Variants in MYO9A observed in about 807,000 individuals in gnomAD.
MYO9A encodes the protein myosin IXA.
A neutral mutation model predicts 293.3 loss-of-function variants in MYO9A; 103 were observed. That is an observed-to-expected ratio of 0.35 (90% confidence interval 0.30 to 0.41). The LOEUF (loss-of-function observed/expected upper bound fraction) is 0.41, where lower values mean the gene tolerates loss of function less well. Among genes scored for constraint, MYO9A ranks in the 10% least tolerant of loss-of-function variants. The pLI, the probability that MYO9A is intolerant of heterozygous loss-of-function variation, is 1.00. For synonymous variants in MYO9A, 1,001 were observed against 1,035.7 expected (o/e 0.97, Z 0.64); for missense variants, 2,685 against 3,033.0 (o/e 0.89, Z 2.69).
At position 71,862,541 on chromosome 15, in the gene MYO9A, G is replaced by T. The variant is rs1476667254; in HGVS notation, c.6050C>A (p.Ser2017Tyr). The T allele has an allele frequency of 1.2e-6, 2 of 1,612,904 alleles. No homozygotes were observed. Among genetic ancestry groups the T allele is most frequent in the Non-Finnish European group, 8.5e-7 (1 of 1,179,074 alleles). The change falls in exon 33 of 42, where the codon TCT becomes TAT. Residue 2017 changes from serine to tyrosine, a missense_variant. Ser to Tyr is a moderately radical substitution (Grantham distance 144, BLOSUM62 -2). Coordinates refer to ENST00000356056, the MANE Select transcript of MYO9A (RefSeq NM_006901.4). ...TCGGTCCATTATCCATATCAAAGAA[G>T]AACAGTATTCACAGTATGTAGGGAT... ...YSIPTYCEYC[S>Y]SLIWIMDRAS...
At chr15:72,108,572 C>T (rs1702133704) in intron 1 of MYO9A, among the ~76,000 whole-genome samples, 1 of 152,040 alleles carries the variant, frequency 6.6e-6, no homozygotes, top group Non-Finnish European at 1.5e-5. Context: ...AATGCAAAAA[C>T]TAAAAGTGAG....
chr15:71,979,104 A>C (rs2076212979), intron 11 of MYO9A, among the ~76,000 whole-genome samples: 1 of 152,146 alleles, frequency 6.6e-6, no homozygotes, highest in Admixed American at 6.5e-5. Context: ...ATCTGCAAAT[A>C]GTGATTTTGA....
intron 1 of MYO9A, among the ~76,000 whole-genome samples, chr15:72,109,403 AAT>A (rs2080696033): frequency 6.6e-6 from 1 of 151,316 alleles, no homozygotes; most frequent in African/African-American, 2.4e-5. Flanking sequence ...AAAAAAAAAA[AAT>A]ACACACACAC....
chr15:72,070,844 T>TA (rs1210653298), intron 1 of MYO9A, among the ~76,000 whole-genome samples: 1 of 152,134 alleles, frequency 6.6e-6, no homozygotes, highest in African/African-American at 2.4e-5. Context: ...AAATACTGGC[T>TA]ACCCATATGC....
intron 39 of MYO9A, among the ~76,000 whole-genome samples, chr15:71,836,627 T>C (rs1567181791): frequency 6.6e-6 from 1 of 152,042 alleles, no homozygotes; most frequent in African/African-American, 2.4e-5. Context: ...TGATAAACTA[T>C]ACAGTTATGA....
rs778043625 is a variant in MYO9A at position 71,901,235 on chromosome 15, T to G, written c.3106A>C (p.Arg1036=). The G allele has an allele frequency of 7.0e-5, 113 of 1,613,700 alleles. 2 individuals are homozygous for G. The East Asian group carries it at 2.5e-3, about 35-fold the overall frequency. ...TGTCTCAGATGGAGGAAATGCTGCC[T>G]ACACAGCAAGACCCTGAACCATCGC... ...LQRWFRVLLC[R]QHFLHLRQAS... The change falls in exon 23 of 42, where the codon AGG becomes CGG. Residue 1036 remains arginine, a synonymous_variant. Coordinates refer to ENST00000356056, the MANE Select transcript of MYO9A (RefSeq NM_006901.4).
At chr15:71,858,020 T>C (rs1453065486) in intron 34 of MYO9A, among the ~76,000 whole-genome samples, 3 of 152,302 alleles carry the variant, frequency 2.0e-5, no homozygotes, top group African/African-American at 4.8e-5. Flanking sequence ...TCATCATCAC[T>C]GGCCATCAGA....
chr15:72,027,804 A>C lies in MYO9A; in HGVS notation c.936-11T>G. On this transcript the variant is annotated splice_polypyrimidine_tract_variant and intron_variant, in intron 3 of 41. Transcript: ENST00000356056. Reference sequence around the variant, plus strand: ...TTTTCAACATAGGCACTACAAGAAAAATTAAATTGGTTGATATAAATAATA... The same window carrying C: ...TTTTCAACATAGGCACTACAAGAAACATTAAATTGGTTGATATAAATAATA... 6.3e-7 allele frequency: 1 copy of C among 1,584,254 alleles called. No individual in the cohort carries two copies. Among genetic ancestry groups the C allele is most frequent in the Non-Finnish European group, 8.6e-7 (1 of 1,161,002 alleles).
intron 12 of MYO9A, among the ~76,000 whole-genome samples, chr15:71,968,765 A>G (rs944406925): frequency 2.0e-5 from 3 of 152,228 alleles, no homozygotes; most frequent in South Asian, 2.1e-4. Flanking sequence ...TTCACACAGG[A>G]CATAGTAGGT....
intron 40 of MYO9A, among the ~76,000 whole-genome samples, chr15:71,829,384 C>G (rs981461992): frequency 3.3e-5 from 5 of 152,170 alleles, no homozygotes; most frequent in Middle Eastern, 3.4e-3. Context: ...TTAAGACTTC[C>G]TAAGAGTCAT....
intron 14 of MYO9A, among the ~76,000 whole-genome samples, chr15:71,956,303 C>T (rs1423028120): frequency 5.6e-5 from 4 of 71,888 alleles, no homozygotes; most frequent in African/African-American, 1.7e-4. Flanking sequence ...CAGCGAAACC[C>T]GGCTCTTAAA....
At chr15:71,989,441 C>G (rs949387908) in intron 11 of MYO9A, among the ~76,000 whole-genome samples, 1 of 152,084 alleles carries the variant, frequency 6.6e-6, no homozygotes, top group African/African-American at 2.4e-5. Flanking sequence ...TCCACAGATG[C>G]GCAAGTCTCT....
chr15:71,951,904 A>G lies in MYO9A; in HGVS notation c.2183-8T>C. 1.3e-6 allele frequency: 2 copies of G among 1,570,056 alleles called. No individual in the cohort carries two copies. The highest frequency in any genetic ancestry group is 8.6e-7 in the Non-Finnish European group (1 of 1,167,238). On this transcript the variant is annotated splice_polypyrimidine_tract_variant and splice_region_variant and intron_variant, in intron 14 of 41. Coordinates refer to ENST00000356056, the MANE Select transcript of MYO9A (RefSeq NM_006901.4). The stretch of plus-strand genomic sequence containing the variant: ...GCGCTGTATCATCATGTCCTTAGGA[A>G]GCAAAAAAAAACAAACAAAAAAAAA...
intron 26 of MYO9A, among the ~76,000 whole-genome samples, chr15:71,888,929 G>T (rs998403095): frequency 2.0e-5 from 3 of 152,114 alleles, no homozygotes; most frequent in Non-Finnish European, 2.9e-5. Flanking sequence ...AAAAAACCCA[G>T]ACAAAATAAT....
intron 2 of MYO9A, among the ~76,000 whole-genome samples, chr15:72,040,989 A>G (rs550433381): frequency 6.6e-6 from 1 of 152,328 alleles, no homozygotes; most frequent in East Asian, 1.9e-4. Context: ...AAAAGCTTGT[A>G]ATTCTAGCAC....
chr15:71,956,765 T>A (rs902028115), intron 14 of MYO9A, among the ~76,000 whole-genome samples: 1 of 150,480 alleles, frequency 6.6e-6, no homozygotes, highest in Non-Finnish European at 1.5e-5. Context: ...CATATATTCA[T>A]ATATGTAGCA....
chr15:71,955,277 G>A lies in MYO9A; in HGVS notation c.2183-3381C>T, dbSNP rs187517981. Among the ~76,000 whole-genome samples, 90 of 152,144 alleles carry A rather than the reference G, an allele frequency of 5.9e-4. 2 individuals carry two copies. The highest frequency in any genetic ancestry group is 2.9e-3 in the South Asian group (14 of 4,816). On this transcript the variant is annotated intron_variant, in intron 14 of 41. Transcript: ENST00000356056. ...CAAGTAGCTGGGATTACAGGCATGC[G>A]CCACCAAGCCCGGCTAAATTTTTGT...
intron 35 of MYO9A, among the ~76,000 whole-genome samples, chr15:71,853,222 T>C (rs895803906): frequency 1.2e-4 from 18 of 152,208 alleles, no homozygotes; most frequent in African/African-American, 2.7e-4. Flanking sequence ...AGACCACACT[T>C]TGAGTAACAA....
chr15:71,822,966 C>T lies in MYO9A; in HGVS notation c.*3614G>A, dbSNP rs535863179. 6.6e-6 allele frequency: 1 copy of T among 151,816 alleles called. No homozygotes were observed. Among genetic ancestry groups the T allele is most frequent in the Non-Finnish European group, 1.5e-5 (1 of 67,972 alleles). 9.4% of individuals were successfully genotyped at this position (151,816 alleles called of 1,614,324 possible). A position where few individuals can be genotyped will look rare whatever the true frequency, so the allele number is the denominator to read the frequency against. ...AGAAAAAGAGGACTCTCACAGATAC[C>T]AAGGAGTTTTACTACCAAGGCCAGC... On this transcript the variant is annotated 3_prime_UTR_variant, in exon 42 of 42. Transcript: ENST00000356056.
Sources: allele counts gnomAD v4.1 joint callset (sites outside exome capture counted in the v4.1 genomes callset), GRCh38; gene constraint gnomAD v4.1.1; transcripts MANE v1.5; gene names NCBI Gene and HGNC (gene_info 2026-07-23, HGNC 2026-07-21).